Variants in MAPKAP1 observed in about 807,000 individuals in gnomAD.
MAPKAP1 encodes the protein target of rapamycin complex 2 subunit MAPKAP1.
MAPKAP1 carries 20 observed loss-of-function variants against 65.7 expected under a neutral mutation model. That is an observed-to-expected ratio of 0.30 (90% CI 0.21 to 0.44). MAPKAP1 has a LOEUF of 0.44. Among genes scored for constraint, MAPKAP1 ranks in the 20% least tolerant of loss-of-function variants. The pLI, the probability that MAPKAP1 is intolerant of heterozygous loss-of-function variation, is 1.00. For missense variants in MAPKAP1, 423 were observed against 648.0 expected (o/e 0.65, Z 3.77); for synonymous variants, 222 against 244.3 (o/e 0.91, Z 0.85).
chr9:125,652,278 A>T (rs745458808), intron 4 of MAPKAP1: 1 of 1,216,022 alleles, frequency 8.2e-7, no homozygotes, highest in South Asian at 1.6e-5. Context: ...AGCAGCATGC[A>T]AAAATGTATT....
intron 9 of MAPKAP1, among the ~76,000 whole-genome samples, chr9:125,468,340 A>AC (rs145456286): frequency 6.6e-5 from 10 of 151,814 alleles, no homozygotes; most frequent in African/African-American, 2.4e-4. Context: ...GGGTGGGGGA[A>AC]CCCCCCCAAA....
At chr9:125,487,849 C>T (rs1197625612) in intron 8 of MAPKAP1, among the ~76,000 whole-genome samples, 1 of 152,156 alleles carries the variant, frequency 6.6e-6, no homozygotes, top group African/African-American at 2.4e-5. Flanking sequence ...TGAAGAATGA[C>T]ATATTTTGTT....
chr9:125,702,439 CAGG>C (rs1298465779), intron 1 of MAPKAP1, among the ~76,000 whole-genome samples: 15 of 152,232 alleles, frequency 9.9e-5, no homozygotes, highest in African/African-American at 1.9e-4. Flanking sequence ...GAGGCTGAGG[CAGG>C]AGAATTGCTT....
At chr9:125,590,046 T>C (rs1347792667) in intron 4 of MAPKAP1, among the ~76,000 whole-genome samples, 3 of 152,194 alleles carry the variant, frequency 2.0e-5, no homozygotes, top group Non-Finnish European at 4.4e-5. Context: ...ATTACCCTCC[T>C]TTTCAGACCC....
At chr9:125,672,719 G>A (rs1834531117) in intron 1 of MAPKAP1, 76 bp from the exon 2 acceptor site, 2 of 929,892 alleles carry the variant, frequency 2.2e-6, no homozygotes, top group East Asian at 2.5e-5. Flanking sequence ...GACACATTCA[G>A]TGTAGTAAAA....
At chr9:125,532,454 G>C (rs1589263276) in intron 7 of MAPKAP1, among the ~76,000 whole-genome samples, 1 of 152,358 alleles carries the variant, frequency 6.6e-6, no homozygotes, top group South Asian at 2.1e-4. Flanking sequence ...TTGCAAAAGA[G>C]ATGAGGGGGA....
chr9:125,516,033 G>A (rs960552126), intron 7 of MAPKAP1, among the ~76,000 whole-genome samples: 1 of 152,204 alleles, frequency 6.6e-6, no homozygotes, highest in African/African-American at 2.4e-5. Context: ...AAAAGCTACT[G>A]TAGCTAAAAA....
intron 7 of MAPKAP1, among the ~76,000 whole-genome samples, chr9:125,514,250 T>C (rs1321803609): frequency 6.6e-6 from 1 of 152,076 alleles, no homozygotes; most frequent in Non-Finnish European, 1.5e-5. Flanking sequence ...GAGCTACCTG[T>C]CCCCTTCTCT....
intron 7 of MAPKAP1, 130 bp downstream of exon 7, chr9:125,542,929 T>A: frequency 1.3e-6 from 1 of 792,584 alleles, no homozygotes; most frequent in South Asian, 1.3e-5. Flanking sequence ...CTTGCATAGA[T>A]CAGCTAACCA....
intron 10 of MAPKAP1, among the ~76,000 whole-genome samples, chr9:125,448,193 G>A (rs1184352389): frequency 6.6e-6 from 1 of 152,208 alleles, no homozygotes; most frequent in East Asian, 1.9e-4. Flanking sequence ...AAAGGATACT[G>A]AAAAGGAATG....
intron 1 of MAPKAP1, among the ~76,000 whole-genome samples, chr9:125,691,238 G>A (rs1835160647): frequency 6.6e-6 from 1 of 152,140 alleles, no homozygotes; most frequent in Non-Finnish European, 1.5e-5. Flanking sequence ...TCCAGCCTGG[G>A]TGACAGAGCA....
At chr9:125,700,948 G>C (rs934880633) in intron 1 of MAPKAP1, among the ~76,000 whole-genome samples, 1 of 152,178 alleles carries the variant, frequency 6.6e-6, no homozygotes, top group African/African-American at 2.4e-5. Context: ...TGCATGCACT[G>C]GGGGAGCACC....
intron 6 of MAPKAP1, among the ~76,000 whole-genome samples, chr9:125,558,648 A>G (rs1830806680): frequency 1.3e-5 from 2 of 152,184 alleles, no homozygotes; most frequent in African/African-American, 4.8e-5. Flanking sequence ...AGGGATCGCT[A>G]TTGTTCCCAG....
chr9:125,502,996 T>G (rs1365456490), intron 8 of MAPKAP1, among the ~76,000 whole-genome samples: 3 of 152,252 alleles, frequency 2.0e-5, no homozygotes, highest in African/African-American at 7.2e-5. Context: ...ACTGAACCTT[T>G]CATCATTATG....
chr9:125,705,249 T>A (rs1835722223), intron 1 of MAPKAP1, among the ~76,000 whole-genome samples: 5 of 152,212 alleles, frequency 3.3e-5, no homozygotes, highest in Admixed American at 3.3e-4. Context: ...GATTTAGGCA[T>A]CAGACAGACC....
At chr9:125,519,424 G>A (rs1564539887) in intron 7 of MAPKAP1, among the ~76,000 whole-genome samples, 1 of 151,878 alleles carries the variant, frequency 6.6e-6, no homozygotes, top group East Asian at 1.9e-4. Flanking sequence ...ATCGCTTGAC[G>A]CCAGTTCAAG....
intron 4 of MAPKAP1, among the ~76,000 whole-genome samples, chr9:125,654,697 AG>A (rs1387192628): frequency 2.6e-5 from 4 of 152,254 alleles, no homozygotes; most frequent in Non-Finnish European, 4.4e-5. Context: ...ACTTTAATTT[AG>A]CACAACAGCT....
intron 8 of MAPKAP1, among the ~76,000 whole-genome samples, chr9:125,501,584 G>T (rs1828983241): frequency 6.6e-6 from 1 of 152,086 alleles, no homozygotes; most frequent in African/African-American, 2.4e-5. Context: ...TATAGGATTG[G>T]AGTTATTTTT....
intron 7 of MAPKAP1, among the ~76,000 whole-genome samples, chr9:125,511,203 TCA>T (rs909661396): frequency 2.3e-4 from 34 of 144,710 alleles, no homozygotes; most frequent in African/African-American, 7.7e-4. Context: ...ATCATCATCA[TCA>T]GACTGTAATA....
Sources: allele counts gnomAD v4.1 joint callset (sites outside exome capture counted in the v4.1 genomes callset), GRCh38; gene constraint gnomAD v4.1.1; transcripts MANE v1.5; gene names NCBI Gene and HGNC (gene_info 2026-07-23, HGNC 2026-07-21).